The following PPP1R13B variants were observed in gnomAD, a reference collection of about 807,000 sequenced individuals.
PPP1R13B encodes protein phosphatase 1 regulatory subunit 13B.
PPP1R13B carries 44 observed loss-of-function variants against 119.8 expected under a neutral mutation model. The ratio of observed to expected loss-of-function variants is 0.37; its 90% CI spans 0.29 to 0.47. PPP1R13B has a LOEUF of 0.47. Ranked by LOEUF, PPP1R13B falls within the 20% of genes least tolerant of loss-of-function variation. The pLI is 0.99. For missense variants in PPP1R13B, 1,227 were observed against 1,413.5 expected, an observed-to-expected ratio of 0.87 and a Z score of 2.12; for synonymous variants, 542 against 561.5, an observed-to-expected ratio of 0.97 and a Z score of 0.49.
intron 15 of PPP1R13B, chr14:103,737,118 G>C (rs1413529144): frequency 6.6e-6 from 1 of 152,488 alleles, no homozygotes; most frequent in African/African-American, 2.4e-5. Context: ...GCAAAGCACA[G>C]CCAAGTCATT....
At chr14:103,814,564 G>A (rs942848638) in intron 1 of PPP1R13B, among the ~76,000 whole-genome samples, 3 of 152,128 alleles carry the variant, frequency 2.0e-5, no homozygotes, top group Non-Finnish European at 2.9e-5. Context: ...AAGACTTTAG[G>A]AGGCTGAGGC....
chr14:103,807,728 G>A (rs1283611965), intron 1 of PPP1R13B, among the ~76,000 whole-genome samples: 4 of 152,038 alleles, frequency 2.6e-5, no homozygotes, highest in Admixed American at 6.6e-5. Context: ...TCTCCTGACC[G>A]TGTGATCCAT....
chr14:103,736,348 T>C (rs562869298), intron 15 of PPP1R13B, 146 bp from the exon 16 acceptor site: 4 of 803,932 alleles, frequency 5.0e-6, no homozygotes, highest in East Asian at 2.6e-5. Flanking sequence ...GAGACACTAT[T>C]GAAGACTAGG....
intron 1 of PPP1R13B, among the ~76,000 whole-genome samples, chr14:103,819,611 C>CA (rs2152067843): frequency 6.6e-6 from 1 of 151,728 alleles, no homozygotes; most frequent in South Asian, 2.1e-4. Flanking sequence ...AGAGGTAATG[C>CA]AAAATAGAAC....
chr14:103,819,523 AAAC>A (rs1174322789), intron 1 of PPP1R13B, among the ~76,000 whole-genome samples: 6 of 151,882 alleles, frequency 4.0e-5, no homozygotes, highest in Admixed American at 3.3e-4. Context: ...AAACAAAAAA[AAAC>A]AACAACAAAA....
At chr14:103,838,594 T>G (rs1027514386) in intron 1 of PPP1R13B, among the ~76,000 whole-genome samples, 2 of 152,196 alleles carry the variant, frequency 1.3e-5, no homozygotes, top group Admixed American at 6.6e-5. Flanking sequence ...GCACATGAAT[T>G]ATACCATATC....
chr14:103,792,243 C>T (rs902097663), intron 2 of PPP1R13B, among the ~76,000 whole-genome samples: 1 of 149,116 alleles, frequency 6.7e-6, no homozygotes, highest in African/African-American at 2.5e-5. Flanking sequence ...CCTCTGTCAC[C>T]CAGGCTGGAG....
At chr14:103,841,755 A>C (rs2086914684) in intron 1 of PPP1R13B, among the ~76,000 whole-genome samples, 1 of 152,242 alleles carries the variant, frequency 6.6e-6, no homozygotes, top group South Asian at 2.1e-4. Flanking sequence ...GTCATAAAAG[A>C]TGCTTCGGAA....
intron 1 of PPP1R13B, among the ~76,000 whole-genome samples, chr14:103,828,617 A>G (rs1290818464): frequency 2.0e-5 from 3 of 152,142 alleles, no homozygotes; most frequent in African/African-American, 7.2e-5. Context: ...ACGAGATCCC[A>G]CAGAAGGGCT....
At position 103,733,826 on chromosome 14, in the gene PPP1R13B, GTGGTCGGGC is replaced by G. The variant is rs1290362762; in HGVS notation, c.*1319_*1327del. ...CTGGGCTGGCAGCGGCCATGCTCCT[GTGGTCGGGC>G]TGCTCTACAAGGGCGTTCACTTTTC... On this transcript the variant is annotated 3_prime_UTR_variant, in exon 17 of 17. Coordinates refer to ENST00000202556, the MANE Select transcript of PPP1R13B (RefSeq NM_015316.3). 1 of 152,320 alleles carries G rather than the reference GTGGTCGGGC, an allele frequency of 6.6e-6. No individual in the cohort carries two copies. Among genetic ancestry groups the G allele is most frequent in the Non-Finnish European group, 1.5e-5 (1 of 68,144 alleles). 9.4% of individuals were successfully genotyped at this position (152,320 alleles called of 1,614,324 possible).
intron 1 of PPP1R13B, among the ~76,000 whole-genome samples, chr14:103,837,388 T>C (rs1438373611): frequency 1.3e-5 from 2 of 152,184 alleles, no homozygotes; most frequent in Non-Finnish European, 2.9e-5. Context: ...ATAAAACTCC[T>C]TATTCTCACA....
At chr14:103,754,345 A>C (rs548489765) in intron 5 of PPP1R13B, 101 bp from the exon 6 acceptor site, 1 of 1,150,936 alleles carries the variant, frequency 8.7e-7, no homozygotes, top group South Asian at 1.5e-5. Context: ...TAGGTGGATC[A>C]CCTGAGGTCA....
Position 103,844,458 on chromosome 14 carries a change from A to G in PPP1R13B, c.9+2841T>C, listed in dbSNP as rs115046900. Among the ~76,000 whole-genome samples the G allele has an allele frequency of 5.7e-3, 861 of 151,938 alleles. 8 individuals are homozygous for G. Among genetic ancestry groups the G allele is most frequent in the African/African-American group, 0.02 (818 of 41,428 alleles). On this transcript the variant is annotated intron_variant, in intron 1 of 16. Coordinates refer to ENST00000202556, the MANE Select transcript of PPP1R13B (RefSeq NM_015316.3). The stretch of plus-strand genomic sequence containing the variant: ...TAAAAGTTACCACATGGCCGGGCGC[A>G]GTGGCTCATGCCTGTAATCCCAGCA...
rs144373317 is a variant in PPP1R13B, at chr14:103,789,222, AT to A, written c.158-4309del. Among the ~76,000 whole-genome samples the A allele has an allele frequency of 4.6e-3, 702 of 151,004 alleles. 8 individuals are homozygous for A. Among genetic ancestry groups the A allele is most frequent in the African/African-American group, 0.012 (478 of 41,148 alleles). On this transcript the variant is annotated intron_variant, in intron 2 of 16. Transcript: ENST00000202556. ...GTGAACTGTACTGTGTATTTTTGCA[AT>A]TTTTTTTTTGGGGGGGATGGAGTCT...
chr14:103,847,588 C>T (rs947273965), upstream of PPP1R13B: 4 of 986,778 alleles, frequency 4.1e-6, no homozygotes, highest in Non-Finnish European at 4.8e-6. Context: ...GGCCCGCCCG[C>T]CCGGCTCGCT....
chr14:103,763,157 T>C, intron 4 of PPP1R13B: 1 of 618,702 alleles, frequency 1.6e-6, no homozygotes, highest in South Asian at 2.0e-5. Context: ...ACAGGGATAA[T>C]GAGATGGACC....
Position 103,790,734 on chromosome 14 carries a change from G to C in PPP1R13B, c.158-5820C>G, listed in dbSNP as rs76935226. Among the ~76,000 whole-genome samples, 295 of 152,314 alleles carry C rather than the reference G, an allele frequency of 1.9e-3. 1 individual carries two copies. The highest frequency in any genetic ancestry group is 6.7e-3 in the African/African-American group (280 of 41,568). ...TCAAAAGTAAACAGGCTGAGCGTGGGTGGCTCACGCCTGTGATCCCAGCAC... is the reference window on the plus strand; with the variant it reads ...TCAAAAGTAAACAGGCTGAGCGTGGCTGGCTCACGCCTGTGATCCCAGCAC... On this transcript the variant is annotated intron_variant, in intron 2 of 16. Transcript: ENST00000202556.
At chr14:103,757,583 A>G (rs2084708375) in intron 5 of PPP1R13B, 67 bp downstream of exon 5, 1 of 1,393,096 alleles carries the variant, frequency 7.2e-7, no homozygotes, top group South Asian at 1.2e-5. Context: ...TATTAACCCC[A>G]GTCTAAAATG....
intron 1 of PPP1R13B, among the ~76,000 whole-genome samples, chr14:103,823,997 C>G (rs926375971): frequency 6.7e-6 from 1 of 149,312 alleles, no homozygotes; most frequent in Non-Finnish European, 1.5e-5. Context: ...AGTTTTCCAG[C>G]TAACAATATG....
Sources: gnomAD v4.1 joint callset for allele counts (sites outside exome capture counted in the v4.1 genomes callset) on GRCh38, gnomAD v4.1.1 for gene constraint, MANE v1.5 for transcripts, NCBI Gene and HGNC (gene_info 2026-07-23, HGNC 2026-07-21) for gene names.